EXOC6B: variants seen among roughly 807,000 people sequenced by gnomAD.
The protein encoded by EXOC6B is exocyst complex component 6B, also known as SEC15 homolog B.
Under a neutral mutation model 113.5 loss-of-function variants are expected in EXOC6B, and 54 were observed. The ratio of observed to expected loss-of-function variants is 0.48; its 90% CI spans 0.38 to 0.60. The LOEUF (loss-of-function observed/expected upper bound fraction) is 0.60. EXOC6B is among the 20% of genes least tolerant of loss of function. The pLI, the probability that EXOC6B is intolerant of heterozygous loss-of-function variation, is 0.00. For missense variants in EXOC6B, 797 were observed against 977.5 expected (o/e 0.82, Z 2.46); for synonymous variants, 357 against 339.0 (o/e 1.05, Z -0.58).
chr2:72,594,463 A>G (rs1380882672), intron 6 of EXOC6B, among the ~76,000 whole-genome samples: 1 of 152,208 alleles, frequency 6.6e-6, no homozygotes, highest in African/African-American at 2.4e-5. Context: ...TGACCTATCT[A>G]AATTTAAGTA....
chr2:72,652,878 G>A (rs1235964782), intron 6 of EXOC6B, among the ~76,000 whole-genome samples: 1 of 150,826 alleles, frequency 6.6e-6, no homozygotes, highest in Non-Finnish European at 1.5e-5. Flanking sequence ...ACGCATGGTG[G>A]CTCACACCTG....
intron 20 of EXOC6B, among the ~76,000 whole-genome samples, chr2:72,295,076 T>A (rs1573199784): frequency 6.6e-6 from 1 of 151,338 alleles, no homozygotes; most frequent in Non-Finnish European, 1.5e-5. Flanking sequence ...ACTAAAAATA[T>A]AAAAATTAGC....
intron 18 of EXOC6B, among the ~76,000 whole-genome samples, chr2:72,413,697 A>G (rs1281252173): frequency 6.6e-6 from 1 of 151,538 alleles, no homozygotes; most frequent in Non-Finnish European, 1.5e-5. Context: ...AGAAAAAAAA[A>G]AAAAGAAAAA....
chr2:72,310,287 T>A (rs1378641535), intron 20 of EXOC6B, among the ~76,000 whole-genome samples: 1 of 152,170 alleles, frequency 6.6e-6, no homozygotes, highest in East Asian at 1.9e-4. Flanking sequence ...TCTACACCTT[T>A]GTCAACTTGT....
At chr2:72,733,589 G>T (rs1316691497) in intron 2 of EXOC6B, among the ~76,000 whole-genome samples, 1 of 151,794 alleles carries the variant, frequency 6.6e-6, no homozygotes. Flanking sequence ...ATTCTTTTTG[G>T]ATCATTAATT....
At chr2:72,791,370 C>T (rs550593113) in intron 1 of EXOC6B, among the ~76,000 whole-genome samples, 93 of 152,112 alleles carry the variant, frequency 6.1e-4, no homozygotes, top group Admixed American at 1.2e-3. Flanking sequence ...ATCGTGAGGC[C>T]GTGTTGCTAC....
At chr2:72,812,954 A>T (rs1573838580) in intron 1 of EXOC6B, among the ~76,000 whole-genome samples, 1 of 152,216 alleles carries the variant, frequency 6.6e-6, no homozygotes, top group East Asian at 1.9e-4. Context: ...AGAGGGTAAA[A>T]AAACAAGCTA....
intron 20 of EXOC6B, among the ~76,000 whole-genome samples, chr2:72,292,211 GTA>G (rs1553367392): frequency 2.9e-5 from 4 of 136,686 alleles, no homozygotes; most frequent in African/African-American, 8.8e-5. Context: ...GTGTGTGTGT[GTA>G]CCTTATAAAT....
chr2:72,550,104 G>A (rs562221977), intron 8 of EXOC6B, among the ~76,000 whole-genome samples: 14 of 151,890 alleles, frequency 9.2e-5, no homozygotes, highest in East Asian at 3.9e-4. Context: ...CTCAATCCCC[G>A]TTTCTCTATT....
At chr2:72,378,203 T>C (rs1251981647) in intron 19 of EXOC6B, among the ~76,000 whole-genome samples, 1 of 152,202 alleles carries the variant, frequency 6.6e-6, no homozygotes, top group East Asian at 1.9e-4. Flanking sequence ...ACATGGCTAC[T>C]AAATGTTTTT....
intron 11 of EXOC6B, among the ~76,000 whole-genome samples, chr2:72,505,336 C>A (rs760538099): frequency 1.3e-5 from 2 of 152,048 alleles, no homozygotes; most frequent in Non-Finnish European, 2.9e-5. Flanking sequence ...TATCCAATGA[C>A]CTCCTATGCC....
chr2:72,278,638 G>C (rs369234015), intron 20 of EXOC6B, among the ~76,000 whole-genome samples: 3 of 152,264 alleles, frequency 2.0e-5, no homozygotes, highest in African/African-American at 7.2e-5. Context: ...CTTAATGGCT[G>C]TATGATATTG....
intron 17 of EXOC6B, among the ~76,000 whole-genome samples, chr2:72,471,979 C>T (rs1031916788): frequency 6.6e-6 from 1 of 152,080 alleles, no homozygotes; most frequent in African/African-American, 2.4e-5. Context: ...ATTAAGATGA[C>T]CATATGGTTT....
chr2:72,266,162 C>T (rs1378443642), intron 20 of EXOC6B, among the ~76,000 whole-genome samples: 34 of 151,644 alleles, frequency 2.2e-4, no homozygotes, highest in African/African-American at 4.6e-4. Context: ...TAGCCCTTTG[C>T]CAGATGAGTA....
At chr2:72,286,573 C>T (rs1208026648) in intron 20 of EXOC6B, among the ~76,000 whole-genome samples, 1 of 152,064 alleles carries the variant, frequency 6.6e-6, no homozygotes, top group Non-Finnish European at 1.5e-5. Context: ...ATGATGGATA[C>T]TTGTCATTAG....
At chr2:72,338,386 A>C (rs1172404406) in intron 19 of EXOC6B, among the ~76,000 whole-genome samples, 1 of 152,158 alleles carries the variant, frequency 6.6e-6, no homozygotes, top group Non-Finnish European at 1.5e-5. Context: ...AAAGGTTAAG[A>C]AACACTGTTC....
chr2:72,707,946 A>T (rs1462536376), intron 6 of EXOC6B, among the ~76,000 whole-genome samples: 1 of 152,170 alleles, frequency 6.6e-6, no homozygotes, highest in East Asian at 1.9e-4. Context: ...GGATAAAAAC[A>T]TATTGAAAGG....
intron 6 of EXOC6B, among the ~76,000 whole-genome samples, chr2:72,689,001 T>A (rs530562012): frequency 1.8e-3 from 275 of 152,314 alleles, no homozygotes; most frequent in Non-Finnish European, 2.4e-3. Context: ...AAGTGATGCA[T>A]TAGGTCCAAA....
chr2:72,801,993 CATA>C (rs1685304084), intron 1 of EXOC6B, among the ~76,000 whole-genome samples: 1 of 152,102 alleles, frequency 6.6e-6, no homozygotes, highest in Non-Finnish European at 1.5e-5. Context: ...TCTTGGAATT[CATA>C]ATAAGATTAT....
Sources: allele counts gnomAD v4.1 joint callset (sites outside exome capture counted in the v4.1 genomes callset), GRCh38; gene constraint gnomAD v4.1.1; transcripts MANE v1.5; gene names NCBI Gene and HGNC (gene_info 2026-07-23, HGNC 2026-07-21).